Variants in PRMT8 observed in about 807,000 individuals in gnomAD.
PRMT8 encodes the protein protein arginine methyltransferase 8.
PRMT8 carries 7 observed loss-of-function variants against 47.1 expected under a neutral mutation model. The observed-to-expected ratio is 0.15, with a 90% CI of 0.08 to 0.28. The LOEUF (loss-of-function observed/expected upper bound fraction) is 0.28. Ranked by LOEUF, PRMT8 falls within the 10% of genes least tolerant of loss-of-function variation. PRMT8 has a pLI of 1.00. For missense variants in PRMT8, 237 were observed against 505.4 expected (o/e 0.47, Z 5.09); for synonymous variants, 188 against 186.5 (o/e 1.01, Z -0.07).
intron 1 of PRMT8, among the ~76,000 whole-genome samples, chr12:3,423,527 C>T (rs1005286920): frequency 2.6e-5 from 4 of 152,114 alleles, no homozygotes; most frequent in African/African-American, 9.7e-5. Flanking sequence ...CTTTTCTTTC[C>T]GTGAGAAGCA....
At chr12:3,491,186 C>G, upstream of PRMT8, 1 of 992,052 alleles carries the variant, frequency 1.0e-6, no homozygotes, top group Non-Finnish European at 1.2e-6. Context: ...CTAGGAGAGA[C>G]GCGCAGGAAG....
At chr12:3,556,965 GA>G (rs1382399357) in intron 4 of PRMT8, among the ~76,000 whole-genome samples, 1 of 152,208 alleles carries the variant, frequency 6.6e-6, no homozygotes, top group Non-Finnish European at 1.5e-5. Flanking sequence ...AGAAGTGGGG[GA>G]AAGTGGGGAG....
chr12:3,464,860 C>T (rs893712881), intron 1 of PRMT8, among the ~76,000 whole-genome samples: 7 of 152,176 alleles, frequency 4.6e-5, no homozygotes, highest in Admixed American at 6.5e-5. Flanking sequence ...GACTCCTGCT[C>T]ACACCTGTAA....
intron 4 of PRMT8, among the ~76,000 whole-genome samples, chr12:3,567,514 C>A (rs1866741998): frequency 6.6e-6 from 1 of 152,164 alleles, no homozygotes; most frequent in Non-Finnish European, 1.5e-5. Context: ...GTCATGGTAA[C>A]CTAACATAGG....
In PRMT8 at chr12:3,436,018, C is replaced by T. The variant is rs1167211832; in HGVS notation, c.48+54576C>T. 3.9e-5 allele frequency among the ~76,000 whole-genome samples: 6 copies of T among 152,172 alleles called. No individual in the cohort carries two copies. The highest frequency in any genetic ancestry group is 6.5e-5 in the Admixed American group (1 of 15,282). On this transcript the variant is annotated intron_variant, in intron 1 of 9. Coordinates refer to the PRMT8 transcript ENST00000452611. The surrounding 1 kb of genome is among the most constrained non-coding windows in gnomAD (Gnocchi z 4.2). Reference sequence around the variant, plus strand: ...TCCTCCTCAGGAGGGGTGATTTTAGCGGGCAAGGGGAGATGGTATGTGTTC... The same window carrying T: ...TCCTCCTCAGGAGGGGTGATTTTAGTGGGCAAGGGGAGATGGTATGTGTTC...
At chr12:3,486,236 G>A (rs1865322092), upstream of PRMT8, among the ~76,000 whole-genome samples, 1 of 152,118 alleles carries the variant, frequency 6.6e-6, no homozygotes. Context: ...GTCCATATCA[G>A]TAGATACTTC....
intron 1 of PRMT8, among the ~76,000 whole-genome samples, chr12:3,472,840 G>A (rs760100229): frequency 1.3e-4 from 20 of 152,066 alleles, no homozygotes; most frequent in Non-Finnish European, 2.8e-4. Flanking sequence ...GTGGAGCCAC[G>A]GCCAGGCTAA....
Position 3,491,406 on chromosome 12 carries a change from G to C in PRMT8, c.-220G>C. On this transcript the variant is annotated 5_prime_UTR_variant, in exon 1 of 10. Transcript: ENST00000382622. ...GGGGGCACGAGAAGAACTTGAAACC[G>C]TGTGAAGGAATCCGGAGCAGATGAG... The C allele has an allele frequency of 7.6e-7, 1 of 1,317,042 alleles. No homozygotes were observed. The highest frequency in any genetic ancestry group is 9.7e-7 in the Non-Finnish European group (1 of 1,032,550). 81.6% of individuals were successfully genotyped at this position (1,317,042 alleles called of 1,614,324 possible). A position where few individuals can be genotyped will look rare whatever the true frequency, so the allele number is the denominator to read the frequency against.
rs1866152046 is a variant in PRMT8, at chr12:3,538,068, G to A, written c.76-2538G>A. The A allele has an allele frequency of 6.6e-6, 1 of 152,252 alleles. No individual in the cohort carries two copies. Among genetic ancestry groups the A allele is most frequent in the African/African-American group, 2.4e-5 (1 of 41,408 alleles). 9.4% of individuals were successfully genotyped at this position (152,252 alleles called of 1,614,324 possible). A position where few individuals can be genotyped will look rare whatever the true frequency, so the allele number is the denominator to read the frequency against. ...CTGAATCTCTCACTGTCTCAGCCAAGCTGCTCCCAAACAAACTCACTGCTC... is the reference window on the plus strand; with the variant it reads ...CTGAATCTCTCACTGTCTCAGCCAAACTGCTCCCAAACAAACTCACTGCTC... On this transcript the variant is annotated intron_variant, in intron 1 of 9. Transcript: ENST00000382622. This position sits in a 1 kb window ranked among gnomAD's most constrained non-coding sequence, Gnocchi z 4.6.
chr12:3,448,287 G>T (rs1216819985), intron 1 of PRMT8, among the ~76,000 whole-genome samples: 1 of 152,184 alleles, frequency 6.6e-6, no homozygotes, highest in East Asian at 1.9e-4. Context: ...TTACAGGCGT[G>T]AGCCACCATG....
chr12:3,418,441 A>T (rs1864505996), intron 1 of PRMT8, among the ~76,000 whole-genome samples: 1 of 152,198 alleles, frequency 6.6e-6, no homozygotes, highest in Admixed American at 6.5e-5. Context: ...TCATTCTTTG[A>T]TGAGCTTCTG....
chr12:3,397,336 G>A (rs866776956), intron 1 of PRMT8, among the ~76,000 whole-genome samples: 4 of 151,836 alleles, frequency 2.6e-5, no homozygotes, highest in Non-Finnish European at 5.9e-5. Flanking sequence ...CCCCATCTTT[G>A]TGGTTTTATC....
At chr12:3,419,259 G>C (rs983620312) in intron 1 of PRMT8, among the ~76,000 whole-genome samples, 1 of 152,184 alleles carries the variant, frequency 6.6e-6, no homozygotes, top group African/African-American at 2.4e-5. Context: ...AGGGGCTTCC[G>C]CCTTGCTTAG....
chr12:3,569,386 C>A lies in PRMT8; in HGVS notation c.625-91C>A. On this transcript the variant is annotated intron_variant, in intron 5 of 9. Transcript: ENST00000382622. This position sits in a 1 kb window ranked among gnomAD's most constrained non-coding sequence, Gnocchi z 8.2. ...CATGAGAGATGGTGGCAAGGGGGTG[C>A]TTGTCTGGTGACTCTATGTGCAGTT... 2 of 1,075,262 alleles carry A rather than the reference C, an allele frequency of 1.9e-6. No individual in the cohort carries two copies. Among genetic ancestry groups the A allele is most frequent in the South Asian group, 1.3e-5 (1 of 78,884 alleles). The allele number at this position is 1,075,262 out of a possible 1,614,324, so 66.6% of individuals were successfully genotyped here. A position where few individuals can be genotyped will look rare whatever the true frequency, so the allele number is the denominator to read the frequency against.
chr12:3,411,060 T>C (rs1864424184), intron 1 of PRMT8, among the ~76,000 whole-genome samples: 1 of 152,240 alleles, frequency 6.6e-6, no homozygotes. Flanking sequence ...GCTTTGAGGC[T>C]TGGCTTCAGT....
intron 1 of PRMT8, among the ~76,000 whole-genome samples, chr12:3,526,935 C>T (rs1394213266): frequency 6.6e-6 from 1 of 152,066 alleles, no homozygotes; most frequent in East Asian, 1.9e-4. Context: ...AAGTGATAAC[C>T]TCTAACCTCT....
chr12:3,530,041 C>G (rs1253780294), intron 1 of PRMT8, among the ~76,000 whole-genome samples: 1 of 152,196 alleles, frequency 6.6e-6, no homozygotes, highest in Admixed American at 6.5e-5. Context: ...AAGATATGTT[C>G]TTCTCCTAGA....
chr12:3,471,801 G>A (rs916015963), intron 1 of PRMT8, among the ~76,000 whole-genome samples: 4 of 152,162 alleles, frequency 2.6e-5, no homozygotes, highest in Admixed American at 2.6e-4. Flanking sequence ...CAACTGGGCT[G>A]GAGGCAGGCG....
At chr12:3,447,033 T>TG (rs1273924209) in intron 1 of PRMT8, among the ~76,000 whole-genome samples, 1 of 152,076 alleles carries the variant, frequency 6.6e-6, no homozygotes, top group Admixed American at 6.5e-5. Flanking sequence ...CCTGAGCGGG[T>TG]GGGCTTTCCT....
Sources: allele counts gnomAD v4.1 joint callset (sites outside exome capture counted in the v4.1 genomes callset), GRCh38; gene constraint gnomAD v4.1.1; non-coding constraint Gnocchi (gnomAD v3.1); transcripts MANE v1.5; gene names NCBI Gene and HGNC (gene_info 2026-07-23, HGNC 2026-07-21).